Variants in LRRC37A2 observed in about 807,000 individuals in gnomAD.
The protein encoded by LRRC37A2 is leucine rich repeat containing 37 member A2, also known as leucine-rich repeat-containing protein 37A2.
In LRRC37A2, 9 loss-of-function variants were observed where a neutral mutation model predicts 68.8. The observed-to-expected ratio is 0.13, with a 90% confidence interval of 0.08 to 0.23. LRRC37A2 has a LOEUF of 0.23. Ranked by LOEUF, LRRC37A2 falls within the 10% of genes least tolerant of loss-of-function variation. The pLI, the probability that LRRC37A2 is intolerant of heterozygous loss-of-function variation, is 1.00. For synonymous variants in LRRC37A2, 63 were observed against 367.6 expected (o/e 0.17, Z 9.48); for missense variants, 168 against 950.4 (o/e 0.18, Z 10.82).
the LRRC37A2 span, among the ~76,000 whole-genome samples, chr17:46,712,026 G>T: frequency 2.0e-5 from 3 of 152,168 alleles, no homozygotes; most frequent in African/African-American, 7.2e-5. Flanking sequence ...CCATTTGTAG[G>T]ATTTTAAGCA....
the LRRC37A2 span, among the ~76,000 whole-genome samples, chr17:46,800,681 A>G: frequency 6.6e-6 from 1 of 152,206 alleles, no homozygotes; most frequent in Non-Finnish European, 1.5e-5. Flanking sequence ...GTGACTCTCA[A>G]CAGTGTCCTT....
chr17:46,869,587 G>A, the LRRC37A2 span, among the ~76,000 whole-genome samples: 7 of 152,234 alleles, frequency 4.6e-5, no homozygotes, highest in Admixed American at 3.9e-4. Context: ...GCTCCCAAGT[G>A]CAGCCTAGGG....
chr17:46,903,154 G>A, the LRRC37A2 span, among the ~76,000 whole-genome samples: 5 of 152,144 alleles, frequency 3.3e-5, no homozygotes, highest in African/African-American at 9.7e-5. Context: ...GGTGGTGCAT[G>A]CCTGTAATCC....
At chr17:46,854,173 A>G in the LRRC37A2 span, among the ~76,000 whole-genome samples, 1 of 152,162 alleles carries the variant, frequency 6.6e-6, no homozygotes, top group Non-Finnish European at 1.5e-5. Flanking sequence ...GTCTCAGGGA[A>G]CAGACAGGAT....
the LRRC37A2 span, among the ~76,000 whole-genome samples, chr17:46,907,438 G>A: frequency 6.7e-6 from 1 of 148,186 alleles, no homozygotes; most frequent in Non-Finnish European, 1.5e-5. Context: ...GGGCTCGGTG[G>A]GAAGGTCTGT....
At chr17:47,005,610 T>C in the LRRC37A2 span, 2 of 152,158 alleles carry the variant, frequency 1.3e-5, no homozygotes, top group Non-Finnish European at 2.9e-5. Flanking sequence ...AACCTCATGG[T>C]TTCTTTTTTC....
the LRRC37A2 span, among the ~76,000 whole-genome samples, chr17:46,806,629 C>T: frequency 6.6e-6 from 1 of 152,210 alleles, no homozygotes; most frequent in Non-Finnish European, 1.5e-5. Context: ...GAGAAAGGCT[C>T]CAGAATCCCC....
chr17:47,012,602 A>G, the LRRC37A2 span, among the ~76,000 whole-genome samples: 1 of 152,318 alleles, frequency 6.6e-6, no homozygotes, highest in South Asian at 2.1e-4. Flanking sequence ...AAGATATACA[A>G]TGGCCAATAA....
the LRRC37A2 span, chr17:46,940,663 C>T: frequency 5.6e-6 from 9 of 1,613,182 alleles, no homozygotes; most frequent in South Asian, 3.3e-5. Context: ...ACCCATCATG[C>T]GTGGACTGAT....
At chr17:46,860,271 G>A in the LRRC37A2 span, among the ~76,000 whole-genome samples, 5 of 152,122 alleles carry the variant, frequency 3.3e-5, no homozygotes, top group African/African-American at 9.7e-5. Flanking sequence ...GCAGACTCCC[G>A]GGCTGGAATC....
the LRRC37A2 span, among the ~76,000 whole-genome samples, chr17:46,977,141 C>T: frequency 7.2e-5 from 11 of 152,186 alleles, no homozygotes; most frequent in African/African-American, 2.2e-4. Context: ...CTTCGAGAAA[C>T]TCCCCCACCC....
the LRRC37A2 span, chr17:46,923,934 T>C: frequency 5.0e-6 from 2 of 398,572 alleles, no homozygotes; most frequent in Non-Finnish European, 8.8e-6. Flanking sequence ...ATTTTTACCC[T>C]GTTTTGGAGG....
chr17:46,472,914 CA>C, the LRRC37A2 span, among the ~76,000 whole-genome samples: 15 of 52,202 alleles, frequency 2.9e-4, 1 homozygote, highest in African/African-American at 8.2e-4. Flanking sequence ...GACTCCGTCT[CA>C]AAAAAAAAAT....
the LRRC37A2 span, among the ~76,000 whole-genome samples, chr17:47,004,975 C>T: frequency 6.6e-6 from 1 of 152,206 alleles, no homozygotes; most frequent in South Asian, 2.1e-4. Flanking sequence ...TCAGAGTGGC[C>T]TGTCCTTGCA....
chr17:47,025,978 C>CA, the LRRC37A2 span, among the ~76,000 whole-genome samples: 2 of 135,750 alleles, frequency 1.5e-5, no homozygotes, highest in African/African-American at 5.6e-5. Flanking sequence ...TGCAGATGAG[C>CA]AAGACCTAGT....
chr17:46,963,015 A>G, the LRRC37A2 span, among the ~76,000 whole-genome samples: 1 of 150,336 alleles, frequency 6.7e-6, no homozygotes, highest in Non-Finnish European at 1.5e-5. Context: ...AGAATGCCAC[A>G]TGGCTAATAA....
chr17:46,979,303 T>G, the LRRC37A2 span: 16 of 227,820 alleles, frequency 7.0e-5, no homozygotes, highest in East Asian at 9.4e-5. Context: ...GCCCCTCCCC[T>G]AGCAACGGCC....
the LRRC37A2 span, among the ~76,000 whole-genome samples, chr17:46,999,619 G>A: frequency 6.6e-6 from 1 of 151,692 alleles, no homozygotes; most frequent in Non-Finnish European, 1.5e-5. Context: ...CAAAGTGTTG[G>A]GATTACAGGC....
the LRRC37A2 span, chr17:46,711,183 C>T: frequency 7.2e-7 from 1 of 1,381,152 alleles, no homozygotes. Context: ...TTTTAAAAGC[C>T]CGTAAGCACA....
Sources: allele counts gnomAD v4.1 joint callset (sites outside exome capture counted in the v4.1 genomes callset), GRCh38; gene constraint gnomAD v4.1.1; transcripts MANE v1.5; gene names NCBI Gene and HGNC (gene_info 2026-07-23, HGNC 2026-07-21).